PARD3B: variants seen among roughly 807,000 people sequenced by gnomAD.
PARD3B encodes the protein par-3 family cell polarity regulator beta.
In PARD3B, 103 loss-of-function variants were observed where a neutral mutation model predicts 130.2. The ratio of observed to expected loss-of-function variants is 0.79; its 90% CI spans 0.67 to 0.93. The LOEUF (loss-of-function observed/expected upper bound fraction) is 0.93. Ranked by LOEUF, PARD3B falls within the 40% of genes least tolerant of loss-of-function variation. The probability of loss-of-function intolerance (pLI) is 0.00; values close to 1 mark genes in which losing one functional copy is unlikely to be tolerated. For missense variants in PARD3B, 1,609 were observed against 1,499.2 expected, an observed-to-expected ratio of 1.07 and a Z score of -1.21; for synonymous variants, 583 against 553.2, an observed-to-expected ratio of 1.05 and a Z score of -0.76.
intron 18 of PARD3B, among the ~76,000 whole-genome samples, chr2:205,378,936 T>C (rs1039198926): frequency 1.1e-4 from 16 of 151,882 alleles, no homozygotes; most frequent in African/African-American, 3.6e-4. Flanking sequence ...GGCCTTTTTT[T>C]TTTCTTTCTT....
intron 18 of PARD3B, among the ~76,000 whole-genome samples, chr2:205,394,769 A>T (rs1188938270): frequency 4.6e-5 from 7 of 152,244 alleles, no homozygotes; most frequent in Non-Finnish European, 1.0e-4. Flanking sequence ...GATCCCACTT[A>T]TATGAATTTC....
chr2:205,215,610 T>C (rs934108376), intron 15 of PARD3B, among the ~76,000 whole-genome samples: 1 of 152,138 alleles, frequency 6.6e-6, no homozygotes, highest in Non-Finnish European at 1.5e-5. Flanking sequence ...AAAATTGAGA[T>C]ATTATATTGG....
intron 1 of PARD3B, among the ~76,000 whole-genome samples, chr2:204,608,396 T>G (rs1477073116): frequency 1.3e-5 from 2 of 152,144 alleles, no homozygotes; most frequent in Non-Finnish European, 2.9e-5. Flanking sequence ...TCTTCTACCC[T>G]TAGTGTGTGT....
At chr2:205,434,861 T>C (rs1301303465) in intron 19 of PARD3B, among the ~76,000 whole-genome samples, 1 of 151,012 alleles carries the variant, frequency 6.6e-6, no homozygotes, top group East Asian at 1.9e-4. Flanking sequence ...CTACAACTTG[T>C]AGTTGTTAGG....
intron 2 of PARD3B, among the ~76,000 whole-genome samples, chr2:204,690,080 G>A (rs570995146): frequency 1.3e-5 from 2 of 152,198 alleles, no homozygotes; most frequent in Admixed American, 1.3e-4. Flanking sequence ...CCTGCATCTA[G>A]TTTATTGTAA....
intron 10 of PARD3B, among the ~76,000 whole-genome samples, chr2:205,127,000 A>G (rs1034873846): frequency 1.3e-5 from 2 of 151,962 alleles, no homozygotes; most frequent in Non-Finnish European, 2.9e-5. Flanking sequence ...TAAGAATGCT[A>G]TAGAAAATTC....
chr2:205,598,328 A>G (rs1015789210), intron 22 of PARD3B, among the ~76,000 whole-genome samples: 2 of 152,166 alleles, frequency 1.3e-5, no homozygotes, highest in East Asian at 3.8e-4. Context: ...TCTATCAGAT[A>G]AAACAGACTT....
chr2:205,070,346 T>C (rs1279983356), intron 4 of PARD3B, among the ~76,000 whole-genome samples: 6 of 152,170 alleles, frequency 3.9e-5, no homozygotes, highest in Non-Finnish European at 2.9e-5. Flanking sequence ...TCTCCAGCTG[T>C]TTTTTTAAAT....
chr2:205,019,421 A>G lies in PARD3B; in HGVS notation c.395-28160A>G, dbSNP rs561854006. Among the ~76,000 whole-genome samples the G allele has an allele frequency of 2.6e-4, 40 of 152,308 alleles. No individual in the cohort carries two copies. The South Asian group carries it at 8.1e-3, about 31-fold the overall frequency. ...CACTTGTTGTGAGCACTCTTTAGCT[A>G]TTATGAATAGTGATGCTGTGAACAT... On this transcript the variant is annotated intron_variant, in intron 3 of 22. Coordinates refer to ENST00000406610, the MANE Select transcript of PARD3B (RefSeq NM_001302769.2).
chr2:205,491,209 A>T (rs905741312), intron 20 of PARD3B, among the ~76,000 whole-genome samples: 1 of 152,128 alleles, frequency 6.6e-6, no homozygotes, highest in Non-Finnish European at 1.5e-5. Flanking sequence ...GGTATTGCCT[A>T]GGTTTTCTTC....
Position 204,906,354 on chromosome 2 carries a change from T to C in PARD3B, c.223-58798T>C, listed in dbSNP as rs2125714718. Among the ~76,000 whole-genome samples the C allele has an allele frequency of 6.6e-6, 1 of 152,222 alleles. No individual in the cohort carries two copies. Among genetic ancestry groups the C allele is most frequent in the South Asian group, 2.1e-4 (1 of 4,818 alleles). The stretch of plus-strand genomic sequence containing the variant: ...TCTGTCATCACATAAACAGTGAAAA[T>C]TGTAGTTAGAATGCTAAAGCCCATT... On this transcript the variant is annotated intron_variant, in intron 2 of 22. Coordinates refer to ENST00000406610, the MANE Select transcript of PARD3B (RefSeq NM_001302769.2). The surrounding 1 kb of genome is among the most constrained non-coding windows in gnomAD (Gnocchi z 4.3).
chr2:204,847,830 A>C (rs777240689), intron 2 of PARD3B, among the ~76,000 whole-genome samples: 6 of 152,198 alleles, frequency 3.9e-5, no homozygotes, highest in Non-Finnish European at 5.9e-5. Context: ...TTCTCAACTT[A>C]ATAAGGAAAG....
chr2:205,573,339 G>A (rs1416590536), intron 22 of PARD3B, among the ~76,000 whole-genome samples: 1 of 152,104 alleles, frequency 6.6e-6, no homozygotes, highest in Non-Finnish European at 1.5e-5. Context: ...AGAAAACTCT[G>A]GAGCCAGGCT....
chr2:204,802,725 G>A (rs1416417590), intron 2 of PARD3B, among the ~76,000 whole-genome samples: 1 of 152,076 alleles, frequency 6.6e-6, no homozygotes, highest in Non-Finnish European at 1.5e-5. Flanking sequence ...ATCATTCTCA[G>A]CATTCTAACA....
At chr2:205,424,052 C>A (rs1325335701) in intron 19 of PARD3B, among the ~76,000 whole-genome samples, 1 of 152,136 alleles carries the variant, frequency 6.6e-6, no homozygotes, top group East Asian at 1.9e-4. Flanking sequence ...ATCTATTTAA[C>A]AAACCTGCAC....
intron 16 of PARD3B, among the ~76,000 whole-genome samples, chr2:205,285,030 C>T (rs918873505): frequency 6.7e-6 from 1 of 149,804 alleles, no homozygotes; most frequent in African/African-American, 2.5e-5. Flanking sequence ...AGCAGTGAAC[C>T]AAGTGTTCCT....
chr2:205,047,131 A>G (rs1317010645), intron 3 of PARD3B, among the ~76,000 whole-genome samples: 23 of 152,220 alleles, frequency 1.5e-4, no homozygotes. Context: ...ATTTTGGTCT[A>G]TATCATCATT....
intron 3 of PARD3B, among the ~76,000 whole-genome samples, chr2:205,047,326 G>A (rs899284462): frequency 3.9e-5 from 6 of 152,160 alleles, no homozygotes; most frequent in African/African-American, 1.2e-4. Flanking sequence ...TTGCCTAACA[G>A]TTTCTGTTAA....
chr2:205,361,746 A>G (rs955307181), intron 18 of PARD3B, among the ~76,000 whole-genome samples: 8 of 152,106 alleles, frequency 5.3e-5, no homozygotes, highest in Non-Finnish European at 1.0e-4. Flanking sequence ...CGTGCATACC[A>G]CTTGGCCACA....
Sources: gnomAD v4.1 joint callset for allele counts (sites outside exome capture counted in the v4.1 genomes callset) on GRCh38, gnomAD v4.1.1 for gene constraint, Gnocchi (gnomAD v3.1) non-coding constraint, MANE v1.5 for transcripts, NCBI Gene and HGNC (gene_info 2026-07-23, HGNC 2026-07-21) for gene names.